The following MSI2 variants were observed in gnomAD, a reference collection of about 807,000 sequenced individuals.
The protein encoded by MSI2 is RNA-binding protein Musashi homolog 2.
In MSI2, 17 loss-of-function variants were observed where a neutral mutation model predicts 45.6. The observed-to-expected ratio is 0.37, with a 90% CI of 0.26 to 0.56. The LOEUF (loss-of-function observed/expected upper bound fraction) is 0.56, where lower values mean the gene tolerates loss of function less well. Ranked by LOEUF, MSI2 falls within the 20% of genes least tolerant of loss-of-function variation. The pLI is 0.77. For synonymous variants in MSI2, 156 were observed against 158.2 expected, an observed-to-expected ratio of 0.99 and a Z score of 0.11; for missense variants, 293 against 444.2, an observed-to-expected ratio of 0.66 and a Z score of 3.06.
intron 6 of MSI2, among the ~76,000 whole-genome samples, chr17:57,500,330 G>C (rs2143861317): frequency 6.6e-6 from 1 of 152,148 alleles, no homozygotes; most frequent in East Asian, 1.9e-4. Context: ...TGACCTTTGG[G>C]GGCAGGTGGG....
intron 7 of MSI2, among the ~76,000 whole-genome samples, chr17:57,559,049 C>T (rs1175362452): frequency 1.3e-5 from 2 of 151,950 alleles, no homozygotes; most frequent in Admixed American, 1.3e-4. Flanking sequence ...ATGACAAGAG[C>T]GAGACTCCAT....
rs570502690 is a variant in MSI2, at chr17:57,359,110, C to G, written c.313-42269C>G. 2.8e-4 allele frequency among the ~76,000 whole-genome samples: 42 copies of G among 152,174 alleles called. No homozygotes were observed. The South Asian group carries it at 7.9e-3, about 29-fold the overall frequency. Reference sequence around the variant, plus strand: ...GCCCCTTCCTTTCTCCCGCCACTCCCGGAGGAATGACCCTGCATCTTATGC... The same window carrying G: ...GCCCCTTCCTTTCTCCCGCCACTCCGGGAGGAATGACCCTGCATCTTATGC... On this transcript the variant is annotated intron_variant, in intron 5 of 13. Transcript: ENST00000284073.
chr17:57,519,659 T>G (rs1160216449), intron 6 of MSI2, among the ~76,000 whole-genome samples: 1 of 152,214 alleles, frequency 6.6e-6, no homozygotes, highest in Non-Finnish European at 1.5e-5. Context: ...TCCTTGAGGT[T>G]ACCTAATCAC....
chr17:57,326,478 G>A lies in MSI2; in HGVS notation c.312+64286G>A. Among the ~76,000 whole-genome samples the A allele has an allele frequency of 2.0e-5, 3 of 152,292 alleles. No homozygotes were observed. In the South Asian group the frequency reaches 6.2e-4, roughly 32 times the overall value. On this transcript the variant is annotated intron_variant, in intron 5 of 13. Coordinates refer to ENST00000284073, the MANE Select transcript of MSI2 (RefSeq NM_138962.4). ...TAAGAGATATAGGTCTGTATTTCTTGGTTCAAGTTGGCCTCTTCCTACTAA... is the reference window on the plus strand; with the variant it reads ...TAAGAGATATAGGTCTGTATTTCTTAGTTCAAGTTGGCCTCTTCCTACTAA...
chr17:57,337,340 C>T (rs1914760954), intron 5 of MSI2, among the ~76,000 whole-genome samples: 1 of 152,152 alleles, frequency 6.6e-6, no homozygotes, highest in South Asian at 2.1e-4. Flanking sequence ...CCCCAGGAAC[C>T]CCTTTGGGGT....
intron 7 of MSI2, among the ~76,000 whole-genome samples, chr17:57,572,235 T>C (rs1803150141): frequency 6.6e-6 from 1 of 152,236 alleles, no homozygotes; most frequent in South Asian, 2.1e-4. Flanking sequence ...TCAGCAAAGC[T>C]ATTTAGGTCC....
At chr17:57,425,097 G>A (rs1409820467) in intron 6 of MSI2, among the ~76,000 whole-genome samples, 1 of 152,148 alleles carries the variant, frequency 6.6e-6, no homozygotes, top group African/African-American at 2.4e-5. Context: ...TCCCAGGGTG[G>A]CGGAGTGCAC....
chr17:57,532,440 A>T (rs991998035), intron 7 of MSI2: 2 of 152,096 alleles, frequency 1.3e-5, no homozygotes, highest in African/African-American at 4.8e-5. Flanking sequence ...CCCTCAAGAT[A>T]CCGGAGGAGG....
At position 57,256,851 on chromosome 17, in the gene MSI2, C is replaced by T. The variant is rs1314746077; in HGVS notation, c.62+47C>T. 10 of 1,390,844 alleles carry T rather than the reference C, an allele frequency of 7.2e-6. No homozygotes were observed. The Admixed American group carries it at 1.2e-4, about 17-fold the overall frequency. 86.2% of individuals were successfully genotyped at this position (1,390,844 alleles called of 1,614,324 possible). A position where few individuals can be genotyped will look rare whatever the true frequency, so the allele number is the denominator to read the frequency against. The stretch of plus-strand genomic sequence containing the variant: ...ACCGCGCCGCCTTGGGCTCGCTCTC[C>T]TTGCAGCGGCGGGGACGGCGGTGCG... On this transcript the variant is annotated intron_variant, in intron 1 of 13. Coordinates refer to ENST00000284073, the MANE Select transcript of MSI2 (RefSeq NM_138962.4).
chr17:57,536,519 C>T (rs2086923572), intron 7 of MSI2, among the ~76,000 whole-genome samples: 1 of 152,192 alleles, frequency 6.6e-6, no homozygotes. Context: ...TGCCTGTCTT[C>T]CCTGCTGGCA....
At chr17:57,668,207 A>G (rs1438999212) in intron 11 of MSI2, among the ~76,000 whole-genome samples, 1 of 152,148 alleles carries the variant, frequency 6.6e-6, no homozygotes, top group African/African-American at 2.4e-5. Flanking sequence ...GGTCCTAGCC[A>G]CAAAGCCTTT....
In MSI2 at chr17:57,589,223, A is replaced by G. The variant is rs142494953; in HGVS notation, c.455-7645A>G. On this transcript the variant is annotated intron_variant, in intron 7 of 13. Coordinates refer to ENST00000284073, the MANE Select transcript of MSI2 (RefSeq NM_138962.4). ...CCAGGAACCTCTAATGGCGACTCCA[A>G]TTGGCTCTCACTGAAGCCAAAGTAT... is the stretch of plus-strand genomic sequence containing the variant. 1.8e-3 allele frequency among the ~76,000 whole-genome samples: 267 copies of G among 152,254 alleles called. 1 individual carries two copies. The highest frequency in any genetic ancestry group is 5.4e-3 in the African/African-American group (223 of 41,522).
rs1386521562 is a variant in MSI2 at position 57,683,342 on chromosome 17, C to G, written c.*3825C>G. On this transcript the variant is annotated 3_prime_UTR_variant, in exon 14 of 14. Coordinates refer to ENST00000284073, the MANE Select transcript of MSI2 (RefSeq NM_138962.4). The surrounding 1 kb of genome is among the most constrained non-coding windows in gnomAD (Gnocchi z 5.2). ...TTGGGGGTGGGTTTTGCTTGTTGTT[C>G]CTTTTCATTTGGGGGTTTTTGGGGA... The G allele has an allele frequency of 4.3e-6, 1 of 230,166 alleles. No homozygotes were observed. Among genetic ancestry groups the G allele is most frequent in the Non-Finnish European group, 8.6e-6 (1 of 116,298 alleles). The allele number at this position is 230,166 out of a possible 1,614,324, so 14.3% of individuals were successfully genotyped here.
At chr17:57,602,056 G>T (rs1439953483) in intron 8 of MSI2, 1 of 152,180 alleles carries the variant, frequency 6.6e-6, no homozygotes, top group Non-Finnish European at 1.5e-5. Flanking sequence ...ATATCAAGAA[G>T]AGTTTTTATT....
chr17:57,351,155 C>T (rs957576041), intron 5 of MSI2, among the ~76,000 whole-genome samples: 2 of 152,172 alleles, frequency 1.3e-5, no homozygotes, highest in East Asian at 1.9e-4. Flanking sequence ...CAAGCCCAAC[C>T]GGAAACCAGG....
At chr17:57,274,820 T>C (rs929453879) in intron 5 of MSI2, among the ~76,000 whole-genome samples, 3 of 152,180 alleles carry the variant, frequency 2.0e-5, no homozygotes, top group Admixed American at 1.3e-4. Context: ...TGAAACTTGA[T>C]AACTGCCACT....
intron 5 of MSI2, among the ~76,000 whole-genome samples, chr17:57,349,428 C>T (rs115823350): frequency 1.1e-3 from 169 of 152,292 alleles, no homozygotes; most frequent in African/African-American, 3.8e-3. Flanking sequence ...TTCCATTTGG[C>T]ACAGTTGAGG....
chr17:57,344,108 G>A (rs1915398296), intron 5 of MSI2, among the ~76,000 whole-genome samples: 2 of 152,228 alleles, frequency 1.3e-5, no homozygotes, highest in South Asian at 4.1e-4. Context: ...CTGAAAGCTA[G>A]CATTCACTGA....
At chr17:57,485,100 C>A (rs1460409345) in intron 6 of MSI2, among the ~76,000 whole-genome samples, 3 of 152,182 alleles carry the variant, frequency 2.0e-5, no homozygotes, top group Non-Finnish European at 4.4e-5. Context: ...CTGAGTGTTT[C>A]CAGTTCAAAT....
Sources: allele counts gnomAD v4.1 joint callset (sites outside exome capture counted in the v4.1 genomes callset), GRCh38; gene constraint gnomAD v4.1.1; non-coding constraint Gnocchi (gnomAD v3.1); transcripts MANE v1.5; gene names NCBI Gene and HGNC (gene_info 2026-07-23, HGNC 2026-07-21).